MAN2B2: variants seen among roughly 807,000 people sequenced by gnomAD.
MAN2B2 encodes mannosidase alpha class 2B member 2.
A neutral mutation model predicts 117.1 loss-of-function variants in MAN2B2; 106 were observed. That is an observed-to-expected ratio of 0.90 (90% CI 0.77 to 1.06). MAN2B2 has a LOEUF of 1.06. MAN2B2 is among the 50% of genes least tolerant of loss of function. The pLI is 0.00. For synonymous variants in MAN2B2, 544 were observed against 595.1 expected, an observed-to-expected ratio of 0.91 and a Z score of 1.25; for missense variants, 1,326 against 1,381.4, an observed-to-expected ratio of 0.96 and a Z score of 0.64.
intron 9 of MAN2B2, among the ~76,000 whole-genome samples, chr4:6,599,098 C>T (rs1727221061): frequency 1.3e-5 from 2 of 152,182 alleles, no homozygotes; most frequent in Admixed American, 1.3e-4. Context: ...GCACTTCCTT[C>T]TTGTTTTTTG....
chr4:6,614,084 C>A, intron 15 of MAN2B2, 134 bp from the exon 16 acceptor site: 1 of 1,096,916 alleles, frequency 9.1e-7, no homozygotes, highest in Non-Finnish European at 1.3e-6. Context: ...TGGGCTGGTG[C>A]GGGGTAGGCT....
chr4:6,583,954 G>A (rs752820362), intron 3 of MAN2B2, among the ~76,000 whole-genome samples: 2 of 152,200 alleles, frequency 1.3e-5, no homozygotes, highest in Non-Finnish European at 2.9e-5. Flanking sequence ...TTCCAGTGGA[G>A]TGTCCCTGGA....
Position 6,609,788 on chromosome 4 carries a change from T to C in MAN2B2, c.2007-10T>C. On this transcript the variant is annotated splice_polypyrimidine_tract_variant and intron_variant, in intron 12 of 18. Coordinates refer to ENST00000285599, the MANE Select transcript of MAN2B2 (RefSeq NM_015274.3). ...GGAGCTTCACTTACTGATGCTCCCT[T>C]CTCCTCCAGGAACATGACAGCACAG... 1 of 1,609,756 alleles carries C rather than the reference T, an allele frequency of 6.2e-7. No individual in the cohort carries two copies. The highest frequency in any genetic ancestry group is 1.1e-5 in the South Asian group (1 of 91,004).
At chr4:6,601,128 C>T (rs182643127) in intron 10 of MAN2B2, among the ~76,000 whole-genome samples, 61 of 152,284 alleles carry the variant, frequency 4.0e-4, no homozygotes, top group African/African-American at 1.4e-3. Context: ...CCATGATACA[C>T]ACACACACAA....
At chr4:6,599,396 C>T (rs576847418) in intron 9 of MAN2B2, among the ~76,000 whole-genome samples, 70 of 152,226 alleles carry the variant, frequency 4.6e-4, no homozygotes, top group African/African-American at 1.6e-3. Context: ...GGCATGGTGG[C>T]TCACACCTGT....
intron 16 of MAN2B2, among the ~76,000 whole-genome samples, chr4:6,615,781 CAG>C (rs1263511287): frequency 4.0e-5 from 6 of 151,886 alleles, no homozygotes; most frequent in Non-Finnish European, 4.4e-5. Flanking sequence ...GCCTGGGCAA[CAG>C]AGCAAGACCC....
chr4:6,587,186 T>G lies in MAN2B2; in HGVS notation c.564+18T>G. The G allele has an allele frequency of 2.5e-6, 4 of 1,605,826 alleles. No homozygotes were observed. The highest frequency in any genetic ancestry group is 3.4e-6 in the Non-Finnish European group (4 of 1,174,960). The stretch of plus-strand genomic sequence containing the variant: ...AGGCCCGGGTGAGTGGTGTGCCGCG[T>G]CTGCTGCCGCCCAGCGACCGCTCCT... On this transcript the variant is annotated intron_variant, in intron 4 of 18. Transcript: ENST00000285599.
intron 7 of MAN2B2, among the ~76,000 whole-genome samples, chr4:6,596,840 G>A (rs1158174426): frequency 6.6e-6 from 1 of 152,150 alleles, no homozygotes; most frequent in African/African-American, 2.4e-5. Flanking sequence ...GGATCCTTCA[G>A]CACCCCACCC....
intron 17 of MAN2B2, 21 bp downstream of exon 17, chr4:6,617,513 C>T: frequency 6.2e-7 from 1 of 1,613,624 alleles, no homozygotes; most frequent in South Asian, 1.1e-5. Flanking sequence ...CCACCCCCAT[C>T]CAGACCATAA....
chr4:6,577,918 T>C (rs1193600832), intron 2 of MAN2B2, among the ~76,000 whole-genome samples: 1 of 152,218 alleles, frequency 6.6e-6, no homozygotes, highest in South Asian at 2.1e-4. Context: ...GAGTGAATGA[T>C]CTACATATAG....
Position 6,598,330 on chromosome 4 carries a change from C to A in MAN2B2, c.1381C>A (p.Gln461Lys). Residue 461 changes from glutamine (Q) to lysine (K), a missense_variant, in exon 9 of 19, where the codon CAG becomes AAG. Transcript: ENST00000285599. ...ASIVLDELQP[Q>K]APMAASSDAG... ...CATCGTCCTAGATGAGCTCCAGCCC[C>A]AGGCACCCATGGCGGCCAGCTCCGG... is the stretch of plus-strand genomic sequence containing the variant. The A allele has an allele frequency of 6.2e-7, 1 of 1,612,994 alleles. No homozygotes were observed. Among genetic ancestry groups the A allele is most frequent in the Non-Finnish European group, 8.5e-7 (1 of 1,179,734 alleles).
intron 5 of MAN2B2, 35 bp from the exon 6 acceptor site, chr4:6,593,138 C>T (rs747878985): frequency 2.5e-6 from 4 of 1,603,776 alleles, no homozygotes; most frequent in Admixed American, 1.7e-5. Flanking sequence ...CCACAGAGTT[C>T]GTGTCTTCTG....
chr4:6,591,215 G>A (rs1025802092), intron 5 of MAN2B2, among the ~76,000 whole-genome samples: 40 of 151,990 alleles, frequency 2.6e-4, no homozygotes, highest in Non-Finnish European at 4.6e-4. Context: ...GGAATAAATC[G>A]CTCCTCATCC....
In MAN2B2 at chr4:6,620,019, G is replaced by T; in HGVS notation, c.2907G>T (p.Trp969Cys). The change falls in exon 18 of 19, where the codon TGG (tryptophan) becomes TGT (cysteine). Residue 969 changes from tryptophan to cysteine, a missense_variant. By Grantham distance (215) the Trp-to-Cys change is radical. Transcript: ENST00000285599. ...WDLSMLHRWS[W>C]RTGPGRHRGD... ...TGAGCATGCTGCACCGCTGGAGCTG[G>T]AGGACGGGGCCTGGCCGCCACAGAG... 2 of 1,613,242 alleles carry T rather than the reference G, an allele frequency of 1.2e-6. No individual in the cohort carries two copies. Among genetic ancestry groups the T allele is most frequent in the South Asian group, 1.1e-5 (1 of 90,994 alleles).
At chr4:6,619,638 G>T in intron 17 of MAN2B2, 3 of 343,942 alleles carry the variant, frequency 8.7e-6, no homozygotes, top group South Asian at 8.4e-5. Flanking sequence ...CTCCGCGGTG[G>T]GGTGGGCAGC....
chr4:6,579,436 A>AT (rs1726335519), intron 3 of MAN2B2, among the ~76,000 whole-genome samples: 2 of 104,586 alleles, frequency 1.9e-5, no homozygotes, highest in Non-Finnish European at 4.0e-5. Flanking sequence ...CATCACCACC[A>AT]CCCTTCACCA....
At position 6,621,336 on chromosome 4, in the gene MAN2B2, A is replaced by G. The variant is rs1370214861; in HGVS notation, c.*51A>G. The G allele has an allele frequency of 6.7e-7, 1 of 1,484,016 alleles. No homozygotes were observed. 91.9% of individuals were successfully genotyped at this position (1,484,016 alleles called of 1,614,324 possible). On this transcript the variant is annotated 3_prime_UTR_variant, in exon 19 of 19. Transcript: ENST00000285599. ...GGGCTTCCCCCAGGAACTCCATGTAACAGAACAGACCCAGGACAGGGAAAA... is the reference window on the plus strand; with the variant it reads ...GGGCTTCCCCCAGGAACTCCATGTAGCAGAACAGACCCAGGACAGGGAAAA...
In MAN2B2 at chr4:6,587,176, G is replaced by A. The variant is rs1285896771; in HGVS notation, c.564+8G>A. Reference sequence around the variant, plus strand: ...GCCATGCAGGAGGCCCGGGTGAGTGGTGTGCCGCGTCTGCTGCCGCCCAGC... The same window carrying A: ...GCCATGCAGGAGGCCCGGGTGAGTGATGTGCCGCGTCTGCTGCCGCCCAGC... On this transcript the variant is annotated splice_region_variant and intron_variant, in intron 4 of 18. Transcript: ENST00000285599. 6.2e-7 allele frequency: 1 copy of A among 1,608,978 alleles called. No homozygotes were observed. Among genetic ancestry groups the A allele is most frequent in the Non-Finnish European group, 8.5e-7 (1 of 1,177,058 alleles).
intron 7 of MAN2B2, among the ~76,000 whole-genome samples, chr4:6,596,687 A>T (rs1482802986): frequency 6.6e-6 from 1 of 152,062 alleles, no homozygotes; most frequent in Non-Finnish European, 1.5e-5. Context: ...CCCACGTCAC[A>T]CATGAAGGCC....
Sources: allele counts gnomAD v4.1 joint callset (sites outside exome capture counted in the v4.1 genomes callset), GRCh38; gene constraint gnomAD v4.1.1; transcripts MANE v1.5; gene names NCBI Gene and HGNC (gene_info 2026-07-23, HGNC 2026-07-21).